Variants in SPOCK1 observed in about 807,000 individuals in gnomAD.
SPOCK1 encodes the protein SPARC (osteonectin), cwcv and kazal like domains proteoglycan 1.
SPOCK1 carries 23 observed loss-of-function variants against 55.3 expected under a neutral mutation model. The ratio of observed to expected loss-of-function variants is 0.42; its 90% CI spans 0.30 to 0.59. The LOEUF (loss-of-function observed/expected upper bound fraction) is 0.59, where lower values mean the gene tolerates loss of function less well. SPOCK1 is among the 20% of genes least tolerant of loss of function. The pLI is 0.22. For missense variants in SPOCK1, 499 were observed against 552.5 expected (o/e 0.90, Z 0.97); for synonymous variants, 226 against 221.0 (o/e 1.02, Z -0.20).
Position 137,324,962 on chromosome 5 carries a change from GA to G in SPOCK1, c.187-57908del, listed in dbSNP as rs5871633. Among the ~76,000 whole-genome samples the G allele has an allele frequency of 5.7e-3, 794 of 140,248 alleles. 12 individuals are homozygous for G. Among genetic ancestry groups the G allele is most frequent in the Middle Eastern group, 0.027 (7 of 256 alleles). The allele number at this position is 140,248 out of a possible 152,430, so 92.0% of individuals were successfully genotyped here. A position where few individuals can be genotyped will look rare whatever the true frequency, so the allele number is the denominator to read the frequency against. On this transcript the variant is annotated intron_variant, in intron 2 of 10. Coordinates refer to ENST00000394945, the MANE Select transcript of SPOCK1 (RefSeq NM_004598.4). ...CAGACAAGCTTGACGGCTCAATCCT[GA>G]AAAAAAAAAAAATGAGGGGTTTGCA...
At chr5:137,088,006 G>A (rs1403409395) in intron 5 of SPOCK1, among the ~76,000 whole-genome samples, 1 of 152,212 alleles carries the variant, frequency 6.6e-6, no homozygotes, top group African/African-American at 2.4e-5. Context: ...AGGTGGAAGT[G>A]GGGAGACTTT....
intron 2 of SPOCK1, among the ~76,000 whole-genome samples, chr5:137,487,766 C>T (rs771692704): frequency 2.6e-5 from 4 of 152,142 alleles, no homozygotes; most frequent in African/African-American, 7.2e-5. Context: ...GCAAGCATCC[C>T]TGGGCCCTGG....
intron 6 of SPOCK1, among the ~76,000 whole-genome samples, chr5:137,040,197 T>C (rs1489903680): frequency 6.6e-6 from 1 of 152,160 alleles, no homozygotes; most frequent in Non-Finnish European, 1.5e-5. Flanking sequence ...TATGAATTAG[T>C]TTCCAGCTGA....
intron 6 of SPOCK1, among the ~76,000 whole-genome samples, chr5:137,058,502 T>C (rs562975489): frequency 6.6e-6 from 1 of 152,370 alleles, no homozygotes; most frequent in East Asian, 1.9e-4. Context: ...ATATGTACAA[T>C]GGACAACATT....
chr5:137,296,253 G>T (rs116999995), intron 2 of SPOCK1, among the ~76,000 whole-genome samples: 40 of 152,116 alleles, frequency 2.6e-4, no homozygotes, highest in Non-Finnish European at 4.6e-4. Context: ...TGTTGTTACC[G>T]TGGCCTGAAC....
At chr5:137,256,141 C>T (rs189484689) in intron 3 of SPOCK1, among the ~76,000 whole-genome samples, 91 of 152,252 alleles carry the variant, frequency 6.0e-4, no homozygotes, top group Admixed American at 2.4e-3. Flanking sequence ...CCTGGTGGCA[C>T]CATATTCTGT....
chr5:137,101,234 T>C (rs368252203), intron 5 of SPOCK1, among the ~76,000 whole-genome samples: 1 of 152,264 alleles, frequency 6.6e-6, no homozygotes, highest in African/African-American at 2.4e-5. Context: ...ATTAGGCTTA[T>C]AGCACTGTGT....
chr5:136,984,061 G>A (rs1359066492), intron 9 of SPOCK1, among the ~76,000 whole-genome samples: 2 of 152,022 alleles, frequency 1.3e-5, no homozygotes, highest in East Asian at 3.9e-4. Flanking sequence ...ACAAGTCTTT[G>A]CACTAGAAAA....
At chr5:137,162,210 T>C (rs1305287773) in intron 3 of SPOCK1, among the ~76,000 whole-genome samples, 1 of 150,710 alleles carries the variant, frequency 6.6e-6, no homozygotes, top group Non-Finnish European at 1.5e-5. Flanking sequence ...GGATCTCGGC[T>C]CACTGCAACC....
chr5:137,412,036 T>C (rs141397202), intron 2 of SPOCK1, among the ~76,000 whole-genome samples: 1,532 of 152,236 alleles, frequency 0.01, 14 homozygotes, highest in Middle Eastern at 0.02. Flanking sequence ...GCCCTCGGAC[T>C]CCAGATAAAC....
At chr5:137,260,708 G>A (rs538496660) in intron 3 of SPOCK1, among the ~76,000 whole-genome samples, 1 of 152,210 alleles carries the variant, frequency 6.6e-6, no homozygotes, top group Non-Finnish European at 1.5e-5. Flanking sequence ...GAGAGACTGA[G>A]TTAAAGTAGG....
intron 2 of SPOCK1, among the ~76,000 whole-genome samples, chr5:137,360,662 G>A (rs953238769): frequency 1.3e-5 from 2 of 152,082 alleles, no homozygotes; most frequent in East Asian, 1.9e-4. Context: ...GTGATATTTG[G>A]GGTTCCACCA....
chr5:137,233,384 C>A (rs1000721851), intron 3 of SPOCK1, among the ~76,000 whole-genome samples: 1 of 152,180 alleles, frequency 6.6e-6, no homozygotes, highest in African/African-American at 2.4e-5. Flanking sequence ...AGACCCCTAA[C>A]ATGTGCAGTT....
chr5:137,140,687 G>A lies in SPOCK1; in HGVS notation c.240C>T (p.Asp80=), dbSNP rs1195617212. The change falls in exon 4 of 11, where the codon GAC becomes GAT. Residue 80 remains aspartate (D), a synonymous_variant. Transcript: ENST00000394945. ...CCTTCAGGCAGGGGTCCTTGGATGG[G>A]TCCAGGGCTGAGGCAAAAACAAGAA... ...NPNKPFDQAL[D]PSKDPCLKVK... 2.5e-6 allele frequency: 4 copies of A among 1,597,610 alleles called. No homozygotes were observed. The highest frequency in any genetic ancestry group is 1.4e-5 in the African/African-American group (1 of 74,022).
At chr5:137,469,310 A>G (rs572392475) in intron 2 of SPOCK1, among the ~76,000 whole-genome samples, 1 of 152,344 alleles carries the variant, frequency 6.6e-6, no homozygotes, top group East Asian at 1.9e-4. Context: ...AGCTTTCCAG[A>G]ACCCGCCAGG....
intron 2 of SPOCK1, among the ~76,000 whole-genome samples, chr5:137,415,174 T>C (rs187069019): frequency 6.6e-6 from 1 of 152,196 alleles, no homozygotes; most frequent in Non-Finnish European, 1.5e-5. Flanking sequence ...TAGAGATTTA[T>C]GAATAGTTCC....
chr5:137,429,058 C>T (rs1456335680), intron 2 of SPOCK1, among the ~76,000 whole-genome samples: 2 of 152,178 alleles, frequency 1.3e-5, no homozygotes, highest in Non-Finnish European at 2.9e-5. Flanking sequence ...TGGATAAATA[C>T]CAAAATTTCC....
chr5:137,211,801 T>C (rs1213388569), intron 3 of SPOCK1, among the ~76,000 whole-genome samples: 1 of 152,114 alleles, frequency 6.6e-6, no homozygotes. Context: ...AAAGCAGGGT[T>C]CAGAGAACTT....
At chr5:137,156,487 AGTTT>A (rs1442340040) in intron 3 of SPOCK1, among the ~76,000 whole-genome samples, 7 of 152,218 alleles carry the variant, frequency 4.6e-5, no homozygotes, top group Non-Finnish European at 8.8e-5. Flanking sequence ...ACTCTGAAGT[AGTTT>A]GACAACCAAT....
Sources: gnomAD v4.1 joint callset for allele counts (sites outside exome capture counted in the v4.1 genomes callset) on GRCh38, gnomAD v4.1.1 for gene constraint, MANE v1.5 for transcripts, NCBI Gene and HGNC (gene_info 2026-07-23, HGNC 2026-07-21) for gene names.